Variants in PDS5B observed in about 807,000 individuals in gnomAD.
PDS5B encodes the protein sister chromatid cohesion protein PDS5 homolog B.
A neutral mutation model predicts 184.1 loss-of-function variants in PDS5B; 51 were observed. That is an observed-to-expected ratio of 0.28 (90% CI 0.22 to 0.35). PDS5B has a LOEUF of 0.35. Ranked by LOEUF, PDS5B falls within the 10% of genes least tolerant of loss-of-function variation. The pLI, the probability that PDS5B is intolerant of heterozygous loss-of-function variation, is 1.00. For synonymous variants in PDS5B, 566 were observed against 569.2 expected, an observed-to-expected ratio of 0.99 and a Z score of 0.08; for missense variants, 1,180 against 1,723.3, an observed-to-expected ratio of 0.68 and a Z score of 5.58.
chr13:32,756,869 T>C (rs1593617616), intron 26 of PDS5B, among the ~76,000 whole-genome samples: 3 of 152,150 alleles, frequency 2.0e-5, no homozygotes, highest in East Asian at 3.9e-4. Context: ...ATGCCTGTAA[T>C]CTCAGCACTT....
At chr13:32,642,589 T>G (rs1048362582) in intron 1 of PDS5B, among the ~76,000 whole-genome samples, 2 of 152,134 alleles carry the variant, frequency 1.3e-5, no homozygotes, top group Non-Finnish European at 2.9e-5. Context: ...ACAGAGGTGT[T>G]TCAAACCTCT....
chr13:32,713,082 A>C (rs578165765), intron 19 of PDS5B, among the ~76,000 whole-genome samples: 5 of 152,320 alleles, frequency 3.3e-5, no homozygotes, highest in Admixed American at 1.3e-4. Flanking sequence ...CCCATAGCTC[A>C]AGTGACTGGT....
chr13:32,715,651 C>G (rs983302975), intron 19 of PDS5B, among the ~76,000 whole-genome samples: 3 of 141,318 alleles, frequency 2.1e-5, no homozygotes, highest in African/African-American at 7.5e-5. Flanking sequence ...CCCTATCCCT[C>G]TCCCTCTCCC....
At position 32,760,547 on chromosome 13, in the gene PDS5B, A is replaced by G. The variant is rs537264761; in HGVS notation, c.3373-28A>G. ...AACTTTCTTTTGGCTTTAACCAAAT[A>G]AAAAGAGATGTGCATTTCTCATTTC... On this transcript the variant is annotated intron_variant, in intron 29 of 34. Coordinates refer to ENST00000315596, the MANE Select transcript of PDS5B (RefSeq NM_015032.4). 1.2e-5 allele frequency: 20 copies of G among 1,606,844 alleles called. No individual in the cohort carries two copies. The Middle Eastern group carries it at 5.0e-4, about 40-fold the overall frequency.
chr13:32,600,645 A>G (rs777941809), intron 1 of PDS5B, among the ~76,000 whole-genome samples: 6 of 152,206 alleles, frequency 3.9e-5, no homozygotes, highest in Non-Finnish European at 7.3e-5. Context: ...TGGCTGAGGC[A>G]GGAGAATCAC....
Position 32,663,648 on chromosome 13 carries a change from A to G in PDS5B, c.625-4116A>G, listed in dbSNP as rs199553414. On this transcript the variant is annotated intron_variant, in intron 6 of 34. Transcript: ENST00000315596. ...AAGCATTCTCTTTGATGTGAGGAAC[A>G]TTGTAAAAATACTGCTTCTGTTCAG... Among the ~76,000 whole-genome samples, 27 of 152,334 alleles carry G rather than the reference A, an allele frequency of 1.8e-4. No homozygotes were observed. The East Asian group carries it at 4.6e-3, about 26-fold the overall frequency.
In PDS5B at chr13:32,687,172, A is replaced by C. The variant is rs760135184; in HGVS notation, c.1242A>C (p.Gln414His). 6.2e-7 allele frequency: 1 copy of C among 1,607,210 alleles called. No individual in the cohort carries two copies. The highest frequency in any genetic ancestry group is 8.5e-7 in the Non-Finnish European group (1 of 1,178,258). Residue 414 changes from glutamine (Q) to histidine (H), a missense_variant, in exon 12 of 35, where the codon CAA (glutamine) becomes CAC (histidine). Physicochemically the swap from Gln to His is conservative, Grantham distance 24 (BLOSUM62 0). Coordinates refer to ENST00000315596, the MANE Select transcript of PDS5B (RefSeq NM_015032.4). ...AAGAAGCCATGATGGGACTTGCCCA[A>C]ATTTATAAGAAATATGCTTTACAGT... ...VRKEAMMGLAQIYKKYALQSA... is the reference protein window; with the variant it reads ...VRKEAMMGLAHIYKKYALQSA...
chr13:32,761,230 C>T (rs554444807), intron 30 of PDS5B, among the ~76,000 whole-genome samples: 1 of 152,202 alleles, frequency 6.6e-6, no homozygotes. Flanking sequence ...TTTATGTTAA[C>T]CTAGTATAGA....
At chr13:32,633,659 CT>C (rs1414122007) in intron 1 of PDS5B, among the ~76,000 whole-genome samples, 40 of 152,258 alleles carry the variant, frequency 2.6e-4, no homozygotes, top group African/African-American at 9.4e-4. Context: ...TATTGAGAAA[CT>C]TATCAAATTA....
intron 5 of PDS5B, 71 bp downstream of exon 5, chr13:32,658,602 A>G: frequency 4.2e-6 from 3 of 708,104 alleles, no homozygotes; most frequent in South Asian, 3.6e-5. Flanking sequence ...GTGAATCTGC[A>G]TAAACTGTTA....
intron 1 of PDS5B, among the ~76,000 whole-genome samples, chr13:32,608,550 G>A (rs1434062200): frequency 6.6e-6 from 1 of 152,170 alleles, no homozygotes; most frequent in Non-Finnish European, 1.5e-5. Context: ...TGTTAGGGCT[G>A]GCAGTTGGGA....
chr13:32,607,647 T>A (rs1166252281), intron 1 of PDS5B, among the ~76,000 whole-genome samples: 1 of 152,170 alleles, frequency 6.6e-6, no homozygotes, highest in African/African-American at 2.4e-5. Context: ...AGCTATGCCC[T>A]GCCCCCAGAG....
At chr13:32,692,402 G>A (rs1261506099) in intron 13 of PDS5B, among the ~76,000 whole-genome samples, 2 of 113,106 alleles carry the variant, frequency 1.8e-5, no homozygotes, top group Non-Finnish European at 3.7e-5. Context: ...AAACAAGTTT[G>A]CGTCCAAAAA....
At chr13:32,729,057 A>G (rs1407617977) in intron 19 of PDS5B, among the ~76,000 whole-genome samples, 1 of 152,060 alleles carries the variant, frequency 6.6e-6, no homozygotes, top group Non-Finnish European at 1.5e-5. Flanking sequence ...TTTAAGCCCT[A>G]CATGCATTAG....
At position 32,778,010 on chromosome 13, in the gene PDS5B, T is replaced by G. The variant is rs187340402; in HGVS notation, c.*2958T>G. 6.6e-6 allele frequency: 1 copy of G among 152,516 alleles called. No individual in the cohort carries two copies. The highest frequency in any genetic ancestry group is 2.4e-5 in the African/African-American group (1 of 41,564). The allele number at this position is 152,516 out of a possible 1,614,324, so 9.4% of individuals were successfully genotyped here. A position where few individuals can be genotyped will look rare whatever the true frequency, so the allele number is the denominator to read the frequency against. ...GGATTTCTGTGAAGTTGAATAAACA[T>G]AAAAGCTAATACAGTTGTATTATTT... is the stretch of plus-strand genomic sequence containing the variant. On this transcript the variant is annotated 3_prime_UTR_variant, in exon 35 of 35. Transcript: ENST00000315596.
At chr13:32,741,208 G>A (rs116442801) in intron 22 of PDS5B, 60 bp downstream of exon 22, 14 of 917,898 alleles carry the variant, frequency 1.5e-5, no homozygotes, top group Non-Finnish European at 2.2e-5. Flanking sequence ...AATATTTGAG[G>A]TATTAAAATT....
intron 7 of PDS5B, among the ~76,000 whole-genome samples, chr13:32,671,857 T>C (rs1395848021): frequency 1.3e-5 from 2 of 152,202 alleles, no homozygotes; most frequent in Non-Finnish European, 2.9e-5. Context: ...AATCCTTGAC[T>C]CCTTCTCCGC....
intron 1 of PDS5B, among the ~76,000 whole-genome samples, chr13:32,619,754 A>G (rs558230518): frequency 3.9e-5 from 6 of 152,172 alleles, no homozygotes; most frequent in Non-Finnish European, 7.4e-5. Context: ...GTGGCCCCCA[A>G]AATGTAATAA....
At chr13:32,599,999 T>C (rs530038542) in intron 1 of PDS5B, among the ~76,000 whole-genome samples, 1 of 152,208 alleles carries the variant, frequency 6.6e-6, no homozygotes, top group Non-Finnish European at 1.5e-5. Flanking sequence ...CTGTTTAAAA[T>C]TGGTCCATGA....
Sources: gnomAD v4.1 joint callset for allele counts (sites outside exome capture counted in the v4.1 genomes callset) on GRCh38, gnomAD v4.1.1 for gene constraint, MANE v1.5 for transcripts, NCBI Gene and HGNC (gene_info 2026-07-23, HGNC 2026-07-21) for gene names.